The following CNGA4 variants were observed in gnomAD, a reference collection of about 807,000 sequenced individuals.
CNGA4 encodes cyclic nucleotide gated channel subunit alpha 4, also known as cyclic nucleotide-gated channel alpha-4.
Under a neutral mutation model 45.6 loss-of-function variants are expected in CNGA4, and 32 were observed. The ratio of observed to expected loss-of-function variants is 0.70; its 90% confidence interval spans 0.53 to 0.94. The LOEUF (loss-of-function observed/expected upper bound fraction) is 0.94, where lower values mean the gene tolerates loss of function less well. Among genes scored for constraint, CNGA4 ranks in the 40% least tolerant of loss-of-function variants. The probability of loss-of-function intolerance (pLI) is 0.00; values close to 1 mark genes in which losing one functional copy is unlikely to be tolerated. For synonymous variants in CNGA4, 293 were observed against 304.6 expected (o/e 0.96, Z 0.40); for missense variants, 726 against 755.1 (o/e 0.96, Z 0.45).
Position 6,244,087 on chromosome 11 carries a change from G to C in CNGA4, c.1406G>C (p.Arg469Pro). 1 of 1,614,194 alleles carries C rather than the reference G, an allele frequency of 6.2e-7. No individual in the cohort carries two copies. The highest frequency in any genetic ancestry group is 2.2e-5 in the East Asian group (1 of 44,884). Residue 469 changes from arginine (R) to proline (P), a missense_variant, in exon 6 of 6, where the codon CGT becomes CCT. Physicochemically the swap from Arg to Pro is moderately radical, Grantham distance 103. Coordinates refer to ENST00000379936, the MANE Select transcript of CNGA4 (RefSeq NM_001037329.4). This position sits in a 1 kb window ranked among gnomAD's most constrained non-coding sequence, Gnocchi z 4.5. ...CAGACCATCATGGAGGAGAAAGGACGTGAGATCCTGCTGAAAATGAACAAG... is the reference window on the plus strand; with the variant it reads ...CAGACCATCATGGAGGAGAAAGGACCTGAGATCCTGCTGAAAATGAACAAG... ...QAQTIMEEKG[R>P]EILLKMNKLD...
chr11:6,241,940 C>G (rs1847925853), intron 5 of CNGA4, 160 bp downstream of exon 5: 1 of 640,564 alleles, frequency 1.6e-6, no homozygotes, highest in Non-Finnish European at 2.7e-6. Context: ...AAAAACAACA[C>G]ATAGAGGATC....
upstream of CNGA4, among the ~76,000 whole-genome samples, chr11:6,235,341 A>G (rs1347619474): frequency 6.6e-6 from 1 of 152,174 alleles, no homozygotes; most frequent in Non-Finnish European, 1.5e-5. Flanking sequence ...TTGAGCACTT[A>G]GTCAAGGAAC....
Position 6,240,247 on chromosome 11 carries a change from C to G in CNGA4, c.453C>G (p.Phe151Leu). Residue 151 changes from phenylalanine to leucine, a missense_variant, in exon 4 of 6, where the codon TTC (phenylalanine) becomes TTG (leucine). Coordinates refer to ENST00000379936, the MANE Select transcript of CNGA4 (RefSeq NM_001037329.4). This position sits in a 1 kb window ranked among gnomAD's most constrained non-coding sequence, Gnocchi z 4.9. ...LNRFLRAPRL[F>L]EAFDRTETRT... is the part of the protein sequence containing the mutation. ...GCTTTCTCCGCGCGCCCCGCCTCTT[C>G]GAGGCCTTCGACCGCACAGAGACCC... The G allele has an allele frequency of 1.2e-6, 2 of 1,614,250 alleles. No homozygotes were observed. Among genetic ancestry groups the G allele is most frequent in the East Asian group, 2.2e-5 (1 of 44,884 alleles).
chr11:6,236,738 T>C (rs1847844737), upstream of CNGA4, among the ~76,000 whole-genome samples: 1 of 152,236 alleles, frequency 6.6e-6, no homozygotes, highest in African/African-American at 2.4e-5. Context: ...TACTTAAGGA[T>C]TGTACACCTT....
At chr11:6,239,880 T>C in intron 3 of CNGA4, 90 bp downstream of exon 3, 1 of 1,401,284 alleles carries the variant, frequency 7.1e-7, no homozygotes, top group Non-Finnish European at 9.9e-7. Flanking sequence ...ACCCCCACCG[T>C]GGTAGCACCT....
rs1253665875 is a variant in CNGA4, at chr11:6,239,154, T to A, written c.-53T>A. 43 of 1,611,956 alleles carry A rather than the reference T, an allele frequency of 2.7e-5. No individual in the cohort carries two copies. The highest frequency in any genetic ancestry group is 3.5e-5 in the Non-Finnish European group (41 of 1,179,900). On this transcript the variant is annotated 5_prime_UTR_variant, in exon 1 of 6. Coordinates refer to ENST00000379936, the MANE Select transcript of CNGA4 (RefSeq NM_001037329.4). ...CTAGTGCCCAACTCCAGAAGTCCCC[T>A]ACAGGCAGAGAGGGTGTGGACATCT... is the stretch of plus-strand genomic sequence containing the variant.
At chr11:6,236,862 G>C (rs900356209), upstream of CNGA4, among the ~76,000 whole-genome samples, 1 of 152,220 alleles carries the variant, frequency 6.6e-6, no homozygotes, top group Non-Finnish European at 1.5e-5. Flanking sequence ...ATTTGGACGA[G>C]ATGCAACAGG....
rs747955587 is a variant in CNGA4 at position 6,239,292 on chromosome 11, TG to T, written c.62+27del. On this transcript the variant is annotated intron_variant, in intron 1 of 5. Transcript: ENST00000379936. Reference sequence around the variant, plus strand: ...AGGTGAGAAGTCCTGGTCCCTTGTGTGGGATCTCTCCTCATTCCTCTTGGTG... The same window carrying T: ...AGGTGAGAAGTCCTGGTCCCTTGTGTGGATCTCTCCTCATTCCTCTTGGTG... 6.8e-6 allele frequency: 11 copies of T among 1,613,568 alleles called. No individual in the cohort carries two copies. The East Asian group carries it at 2.2e-4, about 33-fold the overall frequency.
rs762262523 is a variant in CNGA4 at position 6,240,699 on chromosome 11, G to A, written c.905G>A (p.Arg302Gln). ...CACGTCAACCGCAAGCTGGAGCGGC[G>A]AGTTATTGACTGGTGAGAAGGCGGG... Reference protein sequence around the residue: ...LQHVNRKLERRVIDWYQHLQI... With the variant: ...LQHVNRKLERQVIDWYQHLQI... Residue 302 changes from arginine (R) to glutamine (Q), a missense_variant, in exon 4 of 6, where the codon CGA becomes CAA. Physicochemically the swap from Arg to Gln is conservative, Grantham distance 43. Transcript: ENST00000379936. The surrounding 1 kb of genome is among the most constrained non-coding windows in gnomAD (Gnocchi z 4.9). 9.9e-6 allele frequency: 16 copies of A among 1,612,692 alleles called. No homozygotes were observed. Among genetic ancestry groups the A allele is most frequent in the Admixed American group, 8.3e-5 (5 of 59,988 alleles).
chr11:6,240,608 A>C lies in CNGA4; in HGVS notation c.814A>C (p.Met272Leu). 6.2e-7 allele frequency: 1 copy of C among 1,614,204 alleles called. No individual in the cohort carries two copies. The highest frequency in any genetic ancestry group is 8.5e-7 in the Non-Finnish European group (1 of 1,180,028). The change falls in exon 4 of 6, where the codon ATG (methionine) becomes CTG (leucine). Residue 272 changes from methionine (M) to leucine (L), a missense_variant. By Grantham distance (15) the Met-to-Leu change is conservative (BLOSUM62 2). Coordinates refer to ENST00000379936, the MANE Select transcript of CNGA4 (RefSeq NM_001037329.4). The surrounding 1 kb of genome is among the most constrained non-coding windows in gnomAD (Gnocchi z 4.9). ...TAGCATGAGCTCTGTCATCTACAAC[A>C]TGAACACTGCAGATGCGGCTTTCTA... ...MGSMSSVIYN[M>L]NTADAAFYPD...
At chr11:6,243,730 T>C (rs1372327566) in intron 5 of CNGA4, among the ~76,000 whole-genome samples, 1 of 152,210 alleles carries the variant, frequency 6.6e-6, no homozygotes, top group Non-Finnish European at 1.5e-5. Context: ...TTCCAATATA[T>C]GTGTATCTCC....
Position 6,244,346 on chromosome 11 carries a change from G to A in CNGA4, c.1665G>A (p.Glu555=), listed in dbSNP as rs750212938. ...LAEADDEGEP[E]EGTSKDEEGR... is the part of the protein sequence containing the mutation. ...AGGCTGATGACGAGGGTGAGCCTGAGGAGGGAACTTCCAAAGATGAAGAGG... is the reference window on the plus strand; with the variant it reads ...AGGCTGATGACGAGGGTGAGCCTGAAGAGGGAACTTCCAAAGATGAAGAGG... The change falls in exon 6 of 6, where the codon GAG becomes GAA. Residue 555 remains glutamate (E), a synonymous_variant. Coordinates refer to ENST00000379936, the MANE Select transcript of CNGA4 (RefSeq NM_001037329.4). The surrounding 1 kb of genome is among the most constrained non-coding windows in gnomAD (Gnocchi z 4.5). The A allele has an allele frequency of 1.2e-6, 2 of 1,613,990 alleles. No homozygotes were observed. Among genetic ancestry groups the A allele is most frequent in the Non-Finnish European group, 1.7e-6 (2 of 1,180,034 alleles).
Position 6,244,038 on chromosome 11 carries a change from G to A in CNGA4, c.1357G>A (p.Val453Met), listed in dbSNP as rs1427662655. Residue 453 changes from valine to methionine, a missense_variant, in exon 6 of 6, where the codon GTG becomes ATG. Coordinates refer to ENST00000379936, the MANE Select transcript of CNGA4 (RefSeq NM_001037329.4). This position sits in a 1 kb window ranked among gnomAD's most constrained non-coding sequence, Gnocchi z 4.5. ...CCTGAGCAAGGAGGACCTGCGGGAG[G>A]TGCTGAGCGAGTATCCACAAGCACA... ...FCLSKEDLREVLSEYPQAQTI... is the reference protein window; with the variant it reads ...FCLSKEDLREMLSEYPQAQTI... 6.2e-7 allele frequency: 1 copy of A among 1,614,206 alleles called. No individual in the cohort carries two copies. Among genetic ancestry groups the A allele is most frequent in the Non-Finnish European group, 8.5e-7 (1 of 1,180,038 alleles).
chr11:6,235,950 A>C (rs1259346665), upstream of CNGA4, among the ~76,000 whole-genome samples: 3 of 151,832 alleles, frequency 2.0e-5, no homozygotes, highest in Non-Finnish European at 4.4e-5. Context: ...AAAAAAAAAA[A>C]AGAAAAGAAA....
Position 6,240,656 on chromosome 11 carries a change from A to G in CNGA4, c.862A>G (p.Lys288Glu), listed in dbSNP as rs965745067. ...AFYPDHALVKKYMKLQHVNRK... is the reference protein window; with the variant it reads ...AFYPDHALVKEYMKLQHVNRK... Reference sequence around the variant, plus strand: ...CTACCCAGATCATGCACTGGTGAAGAAGTACATGAAGCTGCAGCACGTCAA... The same window carrying G: ...CTACCCAGATCATGCACTGGTGAAGGAGTACATGAAGCTGCAGCACGTCAA... Residue 288 changes from lysine (K) to glutamate (E), a missense_variant, in exon 4 of 6, where the codon AAG (lysine) becomes GAG (glutamate). By Grantham distance (56) the Lys-to-Glu change is moderately conservative. Transcript: ENST00000379936. This position sits in a 1 kb window ranked among gnomAD's most constrained non-coding sequence, Gnocchi z 4.9. 1.4e-5 allele frequency: 22 copies of G among 1,613,996 alleles called. No homozygotes were observed. Among genetic ancestry groups the G allele is most frequent in the African/African-American group, 2.7e-5 (2 of 74,920 alleles).
At position 6,243,930 on chromosome 11, in the gene CNGA4, C is replaced by G. The variant is rs577370343; in HGVS notation, c.1268-19C>G. 6.2e-7 allele frequency: 1 copy of G among 1,605,870 alleles called. No individual in the cohort carries two copies. Among genetic ancestry groups the G allele is most frequent in the Non-Finnish European group, 8.5e-7 (1 of 1,175,178 alleles). The stretch of plus-strand genomic sequence containing the variant: ...ACCCTCCTACTAACTGTCCTCCCAT[C>G]TCTGCCCATGAGCCACAGGGAACAT... On this transcript the variant is annotated intron_variant, in intron 5 of 5. Transcript: ENST00000379936.
upstream of CNGA4, among the ~76,000 whole-genome samples, chr11:6,238,847 A>T (rs325703): frequency 0.022 from 3,395 of 152,302 alleles, 117 homozygotes; most frequent in African/African-American, 0.074. Context: ...GACCCAGAGG[A>T]CACCTATGTA....
At position 6,244,042 on chromosome 11, in the gene CNGA4, TGAGCGA is replaced by T; in HGVS notation, c.1363_1368del (p.Ser455_Glu456del). ...AGCAAGGAGGACCTGCGGGAGGTGC[TGAGCGA>T]GTATCCACAAGCACAGACCATCATG... On this transcript the variant is annotated inframe_deletion, in exon 6 of 6. Coordinates refer to ENST00000379936, the MANE Select transcript of CNGA4 (RefSeq NM_001037329.4). The surrounding 1 kb of genome is among the most constrained non-coding windows in gnomAD (Gnocchi z 4.5). The T allele has an allele frequency of 6.2e-7, 1 of 1,614,196 alleles. No individual in the cohort carries two copies. The highest frequency in any genetic ancestry group is 1.1e-5 in the South Asian group (1 of 91,088).
intron 4 of CNGA4, among the ~76,000 whole-genome samples, chr11:6,241,055 C>T (rs950452752): frequency 2.0e-5 from 3 of 152,132 alleles, no homozygotes; most frequent in Non-Finnish European, 4.4e-5. Context: ...TGGTCAGCAA[C>T]AAGATCATTG....
Sources: gnomAD v4.1 joint callset for allele counts (sites outside exome capture counted in the v4.1 genomes callset) on GRCh38, gnomAD v4.1.1 for gene constraint, Gnocchi (gnomAD v3.1) non-coding constraint, MANE v1.5 for transcripts, NCBI Gene and HGNC (gene_info 2026-07-23, HGNC 2026-07-21) for gene names.